The following ZNF846 variants were observed in gnomAD, a reference collection of about 807,000 sequenced individuals.
ZNF846 encodes the protein zinc finger protein 846, also known as zinc finger protein 420 pseudogene.
In ZNF846, 15 loss-of-function variants were observed where a neutral mutation model predicts 16.0. That is an observed-to-expected ratio of 0.94 (90% CI 0.63 to 1.45). ZNF846 has a LOEUF of 1.45. Ranked by LOEUF, ZNF846 falls within the 40% of genes most tolerant of loss-of-function variation. The pLI, the probability that ZNF846 is intolerant of heterozygous loss-of-function variation, is 0.00. For synonymous variants in ZNF846, 229 were observed against 212.0 expected (o/e 1.08, Z -0.70); for missense variants, 714 against 622.3 (o/e 1.15, Z -1.57).
chr19:9,784,730 T>TG (rs1250079650), intron 1 of ZNF846, among the ~76,000 whole-genome samples: 1 of 152,056 alleles, frequency 6.6e-6, no homozygotes, highest in African/African-American at 2.4e-5. Context: ...TGGGCAGAGG[T>TG]GCCTGCGGCC....
chr19:9,758,812 G>A, intron 5 of ZNF846, 48 bp from the exon 6 acceptor site: 1 of 1,416,846 alleles, frequency 7.1e-7, no homozygotes. Flanking sequence ...ATTCAGTATG[G>A]TAACAGAATT....
intron 1 of ZNF846, among the ~76,000 whole-genome samples, chr19:9,775,412 G>T (rs551725328): frequency 2.6e-4 from 39 of 152,158 alleles, no homozygotes; most frequent in African/African-American, 9.2e-4. Context: ...ACAGGAACAG[G>T]AAACAGACAA....
intron 1 of ZNF846, among the ~76,000 whole-genome samples, chr19:9,774,141 T>C (rs531067445): frequency 2.7e-4 from 41 of 152,300 alleles, no homozygotes; most frequent in Non-Finnish European, 5.4e-4. Context: ...TAACATCATA[T>C]AGATAGCAAT....
upstream of ZNF846, among the ~76,000 whole-genome samples, chr19:9,771,766 T>A (rs1387403841): frequency 6.6e-6 from 1 of 151,752 alleles, no homozygotes; most frequent in East Asian, 1.9e-4. Flanking sequence ...TGTGCAAGTG[T>A]CCTTTTTTTT....
intron 1 of ZNF846, among the ~76,000 whole-genome samples, chr19:9,783,218 CTTTTTTTTTT>C (rs74183307): frequency 3.1e-4 from 20 of 65,364 alleles, no homozygotes; most frequent in African/African-American, 9.5e-4. Context: ...CCCTATAATT[CTTTTTTTTTT>C]TTTTTTTTTT....
Position 9,780,048 on chromosome 19 carries a change from G to GTT in ZNF846, c.-86+5888_-86+5889dup, listed in dbSNP as rs558280116. 6.3e-3 allele frequency among the ~76,000 whole-genome samples: 779 copies of GTT among 124,238 alleles called. 33 individuals carry two copies. Among genetic ancestry groups the GTT allele is most frequent in the African/African-American group, 1.0e-2 (294 of 29,446 alleles). The allele number at this position is 124,238 out of a possible 152,430, so 81.5% of individuals were successfully genotyped here. On this transcript the variant is annotated intron_variant, in intron 1 of 4. Transcript: ENST00000586814. The stretch of plus-strand genomic sequence containing the variant: ...CATGCCACCATGCCCAGCTAATTTT[G>GTT]TTTTTTTTTTTGTTTTTTTTTTTGT...
exon 6 of ZNF846, chr19:9,757,719 T>C (rs765894299): frequency 6.2e-7 from 1 of 1,613,402 alleles, no homozygotes. Context: ...ACCGCATTCC[T>C]TACATTCACA....
chr19:9,775,778 A>T (rs2045434621), intron 1 of ZNF846, among the ~76,000 whole-genome samples: 1 of 152,200 alleles, frequency 6.6e-6, no homozygotes, highest in Non-Finnish European at 1.5e-5. Context: ...GCAGCAAGCC[A>T]CCCAGGTGCT....
downstream of ZNF846, among the ~76,000 whole-genome samples, chr19:9,750,514 G>C (rs909605795): frequency 6.6e-6 from 1 of 152,026 alleles, no homozygotes; most frequent in African/African-American, 2.4e-5. Context: ...CCTGACACAA[G>C]CTCTCTTATT....
chr19:9,775,193 A>ATGTGTG (rs113690294), intron 1 of ZNF846, among the ~76,000 whole-genome samples: 8,299 of 149,420 alleles, frequency 0.056, 744 homozygotes, highest in African/African-American at 0.19. Context: ...GTGTATATAT[A>ATGTGTG]TGTGTGTGTG....
exon 6 of ZNF846, chr19:9,758,311 A>G (rs922616184): frequency 5.0e-6 from 8 of 1,613,430 alleles, no homozygotes; most frequent in African/African-American, 1.3e-5. Flanking sequence ...CATTCTTTAC[A>G]GACATAGGGC....
At chr19:9,758,217 C>A (rs781517360) in exon 6 of ZNF846, 1 of 1,613,242 alleles carries the variant, frequency 6.2e-7, no homozygotes, top group East Asian at 2.2e-5. Context: ...GGCTTTCCCA[C>A]ACTCTTTACA....
At chr19:9,761,573 TG>T (rs1323775695) in intron 4 of ZNF846, among the ~76,000 whole-genome samples, 4 of 151,772 alleles carry the variant, frequency 2.6e-5, no homozygotes, top group African/African-American at 9.7e-5. Context: ...TAGTTGGGCG[TG>T]GTGTCAGGTG....
At chr19:9,781,508 C>T (rs898346137) in intron 1 of ZNF846, among the ~76,000 whole-genome samples, 3 of 152,092 alleles carry the variant, frequency 2.0e-5, no homozygotes, top group East Asian at 1.9e-4. Flanking sequence ...CTTGTCATAA[C>T]GCTTTATCAC....
intron 1 of ZNF846, among the ~76,000 whole-genome samples, chr19:9,766,848 C>T (rs565031338): frequency 6.8e-6 from 1 of 146,152 alleles, no homozygotes; most frequent in African/African-American, 2.6e-5. Flanking sequence ...TGCAGTGAGC[C>T]GAGATCATGC....
chr19:9,758,393 A>G (rs2145197209), exon 6 of ZNF846: 3 of 1,613,186 alleles, frequency 1.9e-6, no homozygotes, highest in Non-Finnish European at 2.5e-6. Flanking sequence ...CACATTCCTT[A>G]CATACATAGT....
At chr19:9,762,256 G>C in intron 3 of ZNF846, 88 bp from the exon 4 acceptor site, 1 of 920,032 alleles carries the variant, frequency 1.1e-6, no homozygotes. Context: ...TGCCTTCGGG[G>C]ATTCTAAAGA....
chr19:9,780,988 C>T (rs997376533), intron 1 of ZNF846, among the ~76,000 whole-genome samples: 1 of 152,164 alleles, frequency 6.6e-6, no homozygotes, highest in African/African-American at 2.4e-5. Flanking sequence ...CTCAAGTTTC[C>T]AGGACATTCT....
chr19:9,756,374 TATATATATATAA>T (rs1366220696), downstream of ZNF846: 1 of 138,148 alleles, frequency 7.2e-6, no homozygotes, highest in African/African-American at 2.8e-5. Flanking sequence ...TATATATATA[TATATATATATAA>T]AGACATTCCC....
Sources: allele counts gnomAD v4.1 joint callset (sites outside exome capture counted in the v4.1 genomes callset), GRCh38; gene constraint gnomAD v4.1.1; transcripts MANE v1.5; gene names NCBI Gene and HGNC (gene_info 2026-07-23, HGNC 2026-07-21).